Variants in RNMT observed in about 807,000 individuals in gnomAD.
The protein encoded by RNMT is mRNA cap guanine-N(7) methyltransferase.
A neutral mutation model predicts 56.0 loss-of-function variants in RNMT; 27 were observed. That is an observed-to-expected ratio of 0.48 (90% CI 0.36 to 0.67). The LOEUF is 0.67. Ranked by LOEUF, RNMT falls within the 30% of genes least tolerant of loss-of-function variation. The pLI, the probability that RNMT is intolerant of heterozygous loss-of-function variation, is 0.00. For synonymous variants in RNMT, 184 were observed against 176.2 expected, an observed-to-expected ratio of 1.04 and a Z score of -0.35; for missense variants, 519 against 552.1, an observed-to-expected ratio of 0.94 and a Z score of 0.60.
At chr18:13,741,096 G>T (rs530035541) in intron 6 of RNMT, among the ~76,000 whole-genome samples, 11 of 152,318 alleles carry the variant, frequency 7.2e-5, no homozygotes, top group Admixed American at 6.5e-4. Flanking sequence ...AAATTTGAAA[G>T]TGAAAAAGAT....
chr18:13,753,325 C>T lies in RNMT; in HGVS notation c.1360-789C>T, dbSNP rs1050755883. Among the ~76,000 whole-genome samples, 3 of 151,896 alleles carry T rather than the reference C, an allele frequency of 2.0e-5. 1 individual carries two copies. Among genetic ancestry groups the T allele is most frequent in the Non-Finnish European group, 2.9e-5 (2 of 68,004 alleles). On this transcript the variant is annotated intron_variant, in intron 10 of 11. Coordinates refer to ENST00000383314, the MANE Select transcript of RNMT (RefSeq NM_003799.3). ...ACTAAAAATACAAAAATTAGCTGGA[C>T]GTGGTGACGGGCCCCTATAGTCCCA... is the stretch of plus-strand genomic sequence containing the variant.
chr18:13,751,455 A>T (rs374306388), intron 9 of RNMT, among the ~76,000 whole-genome samples: 2 of 152,250 alleles, frequency 1.3e-5, no homozygotes, highest in East Asian at 3.8e-4. Flanking sequence ...ATCATTAAAA[A>T]TTCAGGAAAC....
intron 8 of RNMT, among the ~76,000 whole-genome samples, chr18:13,744,820 C>T (rs2044326076): frequency 6.6e-6 from 1 of 152,190 alleles, no homozygotes; most frequent in South Asian, 2.1e-4. Flanking sequence ...CTTCCTTTAA[C>T]TGCTGCCTGA....
Position 13,730,672 on chromosome 18 carries a change from CAGAT to C in RNMT, c.-123_-120del, listed in dbSNP as rs2044052016. ...ACTGTACAACTTCAAGCCTCGAAAT[CAGAT>C]AGGCACCACCAACCTCATTTCCTGT... On this transcript the variant is annotated 5_prime_UTR_variant, in exon 2 of 12. An upstream open reading frame in the 5' UTR loses its in-frame stop. Coordinates refer to ENST00000383314, the MANE Select transcript of RNMT (RefSeq NM_003799.3). The C allele has an allele frequency of 6.6e-6, 1 of 152,238 alleles. No homozygotes were observed. 9.4% of individuals were successfully genotyped at this position (152,238 alleles called of 1,614,324 possible).
rs2044464723 is a variant in RNMT, at chr18:13,752,390, C to G, written c.1322C>G (p.Ala441Gly). Residue 441 changes from alanine (A) to glycine (G), a missense_variant, in exon 10 of 12, where the codon GCA becomes GGA. Physicochemically the swap from Ala to Gly is moderately conservative, Grantham distance 60. Transcript: ENST00000383314. ...SEKVDDYEHA[A>G]KYMKNSQVRL... ...AAGGTGGATGACTATGAACATGCAG[C>G]AAAGTACATGAAGAACAGTCAAGTA... 1 of 1,612,098 alleles carries G rather than the reference C, an allele frequency of 6.2e-7. No homozygotes were observed. The highest frequency in any genetic ancestry group is 1.7e-5 in the Admixed American group (1 of 60,004).
At chr18:13,735,189 GGTTT>G (rs2149085992) in intron 4 of RNMT, among the ~76,000 whole-genome samples, 1 of 152,144 alleles carries the variant, frequency 6.6e-6, no homozygotes, top group Non-Finnish European at 1.5e-5. Flanking sequence ...TTTAAAAAGT[GGTTT>G]GTTTTAAAAT....
chr18:13,761,885 C>A lies in RNMT; in HGVS notation c.*1906C>A. 1 of 991,126 alleles carries A rather than the reference C, an allele frequency of 1.0e-6. No homozygotes were observed. Among genetic ancestry groups the A allele is most frequent in the Non-Finnish European group, 1.2e-6 (1 of 815,750 alleles). 61.4% of individuals were successfully genotyped at this position (991,126 alleles called of 1,614,324 possible). ...CCCAAGCCCCTGTGTCTCCTTGTTA[C>A]AATTAAGTTTCTGGATATTGACTTA... On this transcript the variant is annotated 3_prime_UTR_variant, in exon 12 of 12. Transcript: ENST00000383314.
Position 13,763,436 on chromosome 18 carries a change from A to G in RNMT, c.*3457A>G, listed in dbSNP as rs1274208825. 1 of 224,618 alleles carries G rather than the reference A, an allele frequency of 4.5e-6. No individual in the cohort carries two copies. The highest frequency in any genetic ancestry group is 2.2e-5 in the African/African-American group (1 of 44,912). 13.9% of individuals were successfully genotyped at this position (224,618 alleles called of 1,614,324 possible). ...CCACGATATTGAGGAAGCACAGGACATCCAAGGGTACTCTCCAGTTTGGCT... is the reference window on the plus strand; with the variant it reads ...CCACGATATTGAGGAAGCACAGGACGTCCAAGGGTACTCTCCAGTTTGGCT... On this transcript the variant is annotated 3_prime_UTR_variant, in exon 12 of 12. Transcript: ENST00000383314.
rs186050278 is a variant in RNMT at position 13,758,925 on chromosome 18, G to C, written c.1394-1017G>C. 2.6e-5 allele frequency among the ~76,000 whole-genome samples: 4 copies of C among 152,118 alleles called. No individual in the cohort carries two copies. In the East Asian group the frequency reaches 7.7e-4, roughly 29 times the overall value. ...TTATTTCAATATTGTTGTATCTCCA[G>C]GAACAGAGAGGCCAAGGAGAGGGAG... On this transcript the variant is annotated intron_variant, in intron 11 of 11. Coordinates refer to ENST00000383314, the MANE Select transcript of RNMT (RefSeq NM_003799.3).
rs182303635 is a variant in RNMT at position 13,758,299 on chromosome 18, C to G, written c.1394-1643C>G. ...TTTGAAACTAGGTATTGACTTCTCT[C>G]TAGCTATGAAAGTCCTAGATGGCAT... On this transcript the variant is annotated intron_variant, in intron 11 of 11. Coordinates refer to ENST00000383314, the MANE Select transcript of RNMT (RefSeq NM_003799.3). 2.0e-5 allele frequency among the ~76,000 whole-genome samples: 3 copies of G among 152,304 alleles called. No individual in the cohort carries two copies. In the East Asian group the frequency reaches 5.8e-4, roughly 29 times the overall value.
At chr18:13,739,350 T>C (rs928715313) in intron 5 of RNMT, among the ~76,000 whole-genome samples, 1 of 152,218 alleles carries the variant, frequency 6.6e-6, no homozygotes, top group Non-Finnish European at 1.5e-5. Flanking sequence ...TATTCTTAAA[T>C]GAAACTGTTT....
chr18:13,731,045 G>A (rs555364364), intron 2 of RNMT, among the ~76,000 whole-genome samples: 1 of 152,324 alleles, frequency 6.6e-6, no homozygotes, highest in South Asian at 2.1e-4. Flanking sequence ...CATAGTATCA[G>A]TTAACATTTT....
At chr18:13,730,307 A>G (rs188404120) in intron 1 of RNMT, 1 of 152,194 alleles carries the variant, frequency 6.6e-6, no homozygotes, top group Non-Finnish European at 1.5e-5. Flanking sequence ...ATGGTCATCA[A>G]ACTGCAGGCT....
At position 13,731,943 on chromosome 18, in the gene RNMT, A is replaced by G; in HGVS notation, c.417+9A>G. 2 of 1,572,818 alleles carry G rather than the reference A, an allele frequency of 1.3e-6. No individual in the cohort carries two copies. Among genetic ancestry groups the G allele is most frequent in the Non-Finnish European group, 1.7e-6 (2 of 1,165,680 alleles). ...TTCCTGAAAAGCAGAAAGTATGTTCAGTGTATTTTCATTTATTCATAATAG... is the reference window on the plus strand; with the variant it reads ...TTCCTGAAAAGCAGAAAGTATGTTCGGTGTATTTTCATTTATTCATAATAG... On this transcript the variant is annotated intron_variant, in intron 3 of 11. Transcript: ENST00000383314.
Position 13,762,209 on chromosome 18 carries a change from G to A in RNMT, c.*2230G>A, listed in dbSNP as rs1598433108. 1 of 1,480,988 alleles carries A rather than the reference G, an allele frequency of 6.8e-7. No individual in the cohort carries two copies. The highest frequency in any genetic ancestry group is 9.0e-7 in the Non-Finnish European group (1 of 1,116,784). The allele number at this position is 1,480,988 out of a possible 1,614,324, so 91.7% of individuals were successfully genotyped here. ...TAACCAGCTATTGGTGGGAATGACG[G>A]AACTGGGGATTGCGATGATTGATCT... is the stretch of plus-strand genomic sequence containing the variant. On this transcript the variant is annotated 3_prime_UTR_variant, in exon 12 of 12. Coordinates refer to ENST00000383314, the MANE Select transcript of RNMT (RefSeq NM_003799.3).
chr18:13,735,553 C>T (rs1245250744), intron 4 of RNMT, among the ~76,000 whole-genome samples: 1 of 148,192 alleles, frequency 6.7e-6, no homozygotes, highest in Non-Finnish European at 1.5e-5. Context: ...TCTCTACTCA[C>T]AAGGTTCTCT....
chr18:13,736,824 G>T (rs1463607556), intron 4 of RNMT, among the ~76,000 whole-genome samples, 186 bp from the exon 5 acceptor site: 1 of 152,002 alleles, frequency 6.6e-6, no homozygotes, highest in Non-Finnish European at 1.5e-5. Context: ...AATGATAGAG[G>T]ATCAGATTAA....
At chr18:13,728,673 G>A (rs563156629) in intron 1 of RNMT, among the ~76,000 whole-genome samples, 6 of 151,878 alleles carry the variant, frequency 4.0e-5, no homozygotes, top group Non-Finnish European at 8.8e-5. Flanking sequence ...GATAAAAGCC[G>A]TTTTAACCGA....
intron 6 of RNMT, among the ~76,000 whole-genome samples, chr18:13,741,270 T>C (rs1463281003): frequency 6.6e-6 from 1 of 152,248 alleles, no homozygotes; most frequent in Non-Finnish European, 1.5e-5. Context: ...AATGTCATAA[T>C]TGACTAATAT....
Sources: gnomAD v4.1 joint callset for allele counts (sites outside exome capture counted in the v4.1 genomes callset) on GRCh38, gnomAD v4.1.1 for gene constraint, MANE v1.5 for transcripts, NCBI Gene and HGNC (gene_info 2026-07-23, HGNC 2026-07-21) for gene names.